Variants in IARS1 observed in about 807,000 individuals in gnomAD.
The protein encoded by IARS1 is isoleucine--tRNA ligase, cytoplasmic.
A neutral mutation model predicts 168.2 loss-of-function variants in IARS1; 124 were observed. That is an observed-to-expected ratio of 0.74 (90% CI 0.64 to 0.86). The LOEUF is 0.86. IARS1 is among the 40% of genes least tolerant of loss of function. IARS1 has a pLI of 0.00. For synonymous variants in IARS1, 532 were observed against 529.4 expected (o/e 1.00, Z -0.07); for missense variants, 1,452 against 1,515.8 (o/e 0.96, Z 0.70).
In IARS1 at chr9:92,212,263, A is replaced by C. The variant is rs753583418; in HGVS notation, c.3707-1374T>G. On this transcript the variant is annotated intron_variant, in intron 33 of 33. Coordinates refer to ENST00000443024, the MANE Select transcript of IARS1 (RefSeq NM_002161.6). ...TAATTTACCAAGTTATTGATACTTTATGAAAGACAATTCTGAGAGAAAAGG... is the reference window on the plus strand; with the variant it reads ...TAATTTACCAAGTTATTGATACTTTCTGAAAGACAATTCTGAGAGAAAAGG... 3.9e-5 allele frequency among the ~76,000 whole-genome samples: 6 copies of C among 152,336 alleles called. No individual in the cohort carries two copies. In the South Asian group the frequency reaches 1.0e-3, roughly 26 times the overall value.
intron 30 of IARS1, among the ~76,000 whole-genome samples, chr9:92,231,280 T>C (rs956686353): frequency 2.0e-5 from 3 of 152,346 alleles, no homozygotes; most frequent in African/African-American, 7.2e-5. Flanking sequence ...TATTGTTTCA[T>C]AAACTAGTGT....
At chr9:92,271,122 CT>C in intron 11 of IARS1, 46 bp from the exon 12 acceptor site, 1 of 1,170,364 alleles carries the variant, frequency 8.5e-7, no homozygotes, top group Non-Finnish European at 1.2e-6. Flanking sequence ...TACTATAATA[CT>C]TAGGAACAAT....
chr9:92,249,930 T>C lies in IARS1; in HGVS notation c.2544A>G (p.Lys848=), dbSNP rs1392644307. 1 of 1,599,682 alleles carries C rather than the reference T, an allele frequency of 6.3e-7. No individual in the cohort carries two copies. The highest frequency in any genetic ancestry group is 8.6e-7 in the Non-Finnish European group (1 of 1,167,542). Residue 848 remains lysine (K), a synonymous_variant, in exon 25 of 34, where the codon AAA becomes AAG. Transcript: ENST00000443024. ...RKTIPIKYPL[K]EIVVIHQDPE... The stretch of plus-strand genomic sequence containing the variant: ...GATCTTGATGGATAACCACAATTTC[T>C]TTCAAAGGATACTAGGAGGAAAAGG...
intron 20 of IARS1, 84 bp downstream of exon 20, chr9:92,256,596 A>C: frequency 7.7e-7 from 1 of 1,292,106 alleles, no homozygotes; most frequent in African/African-American, 1.5e-5. Context: ...TGTATCTCTC[A>C]ATATTTCCAC....
At chr9:92,265,665 CTT>C in intron 14 of IARS1, 112 bp from the exon 15 acceptor site, 2 of 883,236 alleles carry the variant, frequency 2.3e-6, no homozygotes, top group Non-Finnish European at 1.8e-6. Flanking sequence ...TTTCTTTTTC[CTT>C]TTTTTTTGAG....
At chr9:92,231,414 CTTTTT>C (rs869062848) in intron 30 of IARS1, among the ~76,000 whole-genome samples, 1 of 135,132 alleles carries the variant, frequency 7.4e-6, no homozygotes, top group African/African-American at 2.7e-5. Flanking sequence ...TTATTTTTTT[CTTTTT>C]TTTTTTTTTT....
chr9:92,261,008 T>A (rs1831446927), intron 17 of IARS1, among the ~76,000 whole-genome samples: 1 of 152,090 alleles, frequency 6.6e-6, no homozygotes, highest in South Asian at 2.1e-4. Context: ...AATGGAATTA[T>A]GTGGATTTAA....
In IARS1 at chr9:92,274,456, C is replaced by G. The variant is rs1373435138; in HGVS notation, c.960G>C (p.Gly320=). The change falls in exon 10 of 34, where the codon GGG becomes GGC. Residue 320 remains glycine, a synonymous_variant. Coordinates refer to ENST00000443024, the MANE Select transcript of IARS1 (RefSeq NM_002161.6). The stretch of plus-strand genomic sequence containing the variant: ...CGAAGTAAGGAGCTTGGTGGACAAC[C>G]CCTGTGCCTTCTTCTTCCTTCACAT... The part of the protein sequence containing the change: ...DNYVKEEEGT[G]VVHQAPYFGA... 5 of 1,613,784 alleles carry G rather than the reference C, an allele frequency of 3.1e-6. No homozygotes were observed. The East Asian group carries it at 8.9e-5, about 29-fold the overall frequency.
chr9:92,253,448 T>A lies in IARS1; in HGVS notation c.2143A>T (p.Arg715Trp), dbSNP rs2133730068. The change falls in exon 21 of 34, where the codon AGG becomes TGG. Residue 715 changes from arginine to tryptophan, a missense_variant. Arg to Trp is a moderately radical substitution (Grantham distance 101). Coordinates refer to ENST00000443024, the MANE Select transcript of IARS1 (RefSeq NM_002161.6). ...AGGCGAGGCACCACAGTATAAAGCC[T>A]ATAAGCTAAAAGTAAGACAAGTCAA... ...GFFETEMAAYRLYTVVPRLVK... is the reference protein window; with the variant it reads ...GFFETEMAAYWLYTVVPRLVK... The A allele has an allele frequency of 5.6e-6, 9 of 1,611,218 alleles. No homozygotes were observed. In the East Asian group the frequency reaches 2.0e-4, roughly 36 times the overall value.
chr9:92,285,824 T>C lies in IARS1; in HGVS notation c.495A>G (p.Gln165=), dbSNP rs747668575. 103 of 1,602,796 alleles carry C rather than the reference T, an allele frequency of 6.4e-5. 1 individual carries two copies. Among genetic ancestry groups the C allele is most frequent in the Non-Finnish European group, 5.9e-5 (69 of 1,170,932 alleles). ...TATAAACAAGGCCTTTATCATAGAG[T>C]TGTTTGAAGACCCACCTGGTAAGAG... ...FMESVWWVFK[Q]LYDKGLVYRG... is the part of the protein sequence containing the mutation. Residue 165 remains glutamine, a synonymous_variant, in exon 6 of 34, where the codon CAA becomes CAG. Transcript: ENST00000443024.
chr9:92,259,029 G>C lies in IARS1; in HGVS notation c.1872-31C>G, dbSNP rs148903989. On this transcript the variant is annotated intron_variant, in intron 18 of 33. Coordinates refer to ENST00000443024, the MANE Select transcript of IARS1 (RefSeq NM_002161.6). ...AGAGGGAGAAAAATTAGACAGAAAA[G>C]GTACTTAGACAGTAAACCAATTATT... 8.3e-6 allele frequency: 13 copies of C among 1,572,522 alleles called. No homozygotes were observed. In the East Asian group the frequency reaches 1.3e-4, roughly 16 times the overall value.
intron 31 of IARS1, among the ~76,000 whole-genome samples, chr9:92,225,931 C>T (rs1187744102): frequency 6.6e-6 from 1 of 152,250 alleles, no homozygotes; most frequent in Non-Finnish European, 1.5e-5. Flanking sequence ...GCTCTTCCAA[C>T]TTCCAGGCCA....
At chr9:92,216,160 T>C (rs1396614490) in intron 33 of IARS1, among the ~76,000 whole-genome samples, 1 of 150,802 alleles carries the variant, frequency 6.6e-6, no homozygotes, top group Non-Finnish European at 1.5e-5. Flanking sequence ...GAATTTCATA[T>C]CCAGCCAAAC....
chr9:92,255,382 C>A (rs1830575318), intron 20 of IARS1, among the ~76,000 whole-genome samples: 1 of 152,194 alleles, frequency 6.6e-6, no homozygotes, highest in African/African-American at 2.4e-5. Context: ...TTTGCCCTCA[C>A]TGTGACCCAG....
Position 92,278,393 on chromosome 9 carries a change from G to A in IARS1, c.746-107C>T, listed in dbSNP as rs946183254. On this transcript the variant is annotated intron_variant, in intron 7 of 33. Coordinates refer to ENST00000443024, the MANE Select transcript of IARS1 (RefSeq NM_002161.6). ...GTCCTGAGGAGCTCCTGTACCATGT[G>A]CCTCTACTGTACCCAGTACTCACAG... The A allele has an allele frequency of 2.6e-4, 202 of 762,672 alleles. 2 individuals are homozygous for A. In the Middle Eastern group the frequency reaches 3.6e-3, roughly 14 times the overall value. The allele number at this position is 762,672 out of a possible 1,614,324, so 47.2% of individuals were successfully genotyped here.
In IARS1 at chr9:92,269,983, T is replaced by C. The variant is rs199857190; in HGVS notation, c.1206A>G (p.Arg402=). The C allele has an allele frequency of 2.7e-5, 43 of 1,609,134 alleles. No homozygotes were observed. The highest frequency in any genetic ancestry group is 1.8e-4 in the East Asian group (8 of 44,840). The change falls in exon 13 of 34, where the codon AGA becomes AGG. Residue 402 remains arginine (R), a splice_region_variant and synonymous_variant. Coordinates refer to ENST00000443024, the MANE Select transcript of IARS1 (RefSeq NM_002161.6). ...CTTTGTAAATTAGAGGAGTGTCTGA[T>C]CTGGGGAAGCAGAAACACACACATA... The part of the protein sequence containing the change: ...TFTHSYPFCW[R]SDTPLIYKAV...
At chr9:92,275,649 T>A (rs374397278) in intron 9 of IARS1, among the ~76,000 whole-genome samples, 3 of 152,306 alleles carry the variant, frequency 2.0e-5, no homozygotes, top group East Asian at 3.9e-4. Context: ...AGTCACTGCA[T>A]CTTGTCTCTC....
At chr9:92,278,145 GAC>G in intron 8 of IARS1, 52 bp downstream of exon 8, 1 of 1,217,352 alleles carries the variant, frequency 8.2e-7, no homozygotes. Flanking sequence ...TAAAACTAAA[GAC>G]ACACATACAG....
intron 7 of IARS1, among the ~76,000 whole-genome samples, chr9:92,279,826 C>G (rs1321684027): frequency 6.6e-6 from 1 of 152,168 alleles, no homozygotes; most frequent in Non-Finnish European, 1.5e-5. Flanking sequence ...TGTCAACCAC[C>G]ATTCTACTAG....
Sources: allele counts gnomAD v4.1 joint callset (sites outside exome capture counted in the v4.1 genomes callset), GRCh38; gene constraint gnomAD v4.1.1; transcripts MANE v1.5; gene names NCBI Gene and HGNC (gene_info 2026-07-23, HGNC 2026-07-21).